Variants in TAF3 observed in about 807,000 individuals in gnomAD.
TAF3 encodes the protein TATA-box binding protein associated factor 3.
A neutral mutation model predicts 80.6 loss-of-function variants in TAF3; 7 were observed. That is an observed-to-expected ratio of 0.09 (90% CI 0.05 to 0.16). TAF3 has a LOEUF of 0.16. Ranked by LOEUF, TAF3 falls within the 10% of genes least tolerant of loss-of-function variation. The probability of loss-of-function intolerance (pLI) is 1.00; values close to 1 mark genes in which losing one functional copy is unlikely to be tolerated. For synonymous variants in TAF3, 444 were observed against 446.1 expected (o/e 1.00, Z 0.06); for missense variants, 921 against 1,140.2 (o/e 0.81, Z 2.77).
In TAF3 at chr10:7,965,489, A is replaced by G; in HGVS notation, c.1979A>G (p.Glu660Gly). 1 of 1,607,816 alleles carries G rather than the reference A, an allele frequency of 6.2e-7. No homozygotes were observed. The highest frequency in any genetic ancestry group is 2.2e-5 in the East Asian group (1 of 44,824). ...PAPPLVLPPK[E>G]LALPLFSPAT... ...CCCCCACTGGTGTTGCCCCCAAAAGAGTTGGCCCTGCCCTTGTTCAGCCCT... is the reference window on the plus strand; with the variant it reads ...CCCCCACTGGTGTTGCCCCCAAAAGGGTTGGCCCTGCCCTTGTTCAGCCCT... The change falls in exon 3 of 7, where the codon GAG becomes GGG. Residue 660 changes from glutamate to glycine, a missense_variant. By Grantham distance (98) the Glu-to-Gly change is moderately conservative. Coordinates refer to ENST00000344293, the MANE Select transcript of TAF3 (RefSeq NM_031923.4).
intron 2 of TAF3, among the ~76,000 whole-genome samples, chr10:7,941,557 G>T (rs1837976226): frequency 6.6e-6 from 1 of 152,210 alleles, no homozygotes; most frequent in Non-Finnish European, 1.5e-5. Flanking sequence ...ATCTGACAAA[G>T]GAGGAAGAGC....
At chr10:7,924,425 T>C (rs1408779038) in intron 2 of TAF3, among the ~76,000 whole-genome samples, 2 of 152,192 alleles carry the variant, frequency 1.3e-5, no homozygotes, top group Non-Finnish European at 2.9e-5. Context: ...GCCTTTTCAT[T>C]TGGGAGTTTG....
At chr10:7,905,317 CA>C (rs1837597936) in intron 2 of TAF3, among the ~76,000 whole-genome samples, 3 of 152,176 alleles carry the variant, frequency 2.0e-5, no homozygotes, top group South Asian at 2.1e-4. Context: ...GCACCTGTTT[CA>C]GGGGAAGCCA....
At chr10:7,957,811 C>CTCTCTT (rs1838152241) in intron 2 of TAF3, among the ~76,000 whole-genome samples, 1 of 151,686 alleles carries the variant, frequency 6.6e-6, no homozygotes, top group Non-Finnish European at 1.5e-5. Flanking sequence ...CTCTCTCTCT[C>CTCTCTT]TCTCTCTCTC....
Position 7,964,891 on chromosome 10 carries a change from G to C in TAF3, c.1381G>C (p.Asp461His). Reference sequence around the variant, plus strand: ...TCTTTCCGGTGGAACCTCAAGTTCCGATAACTCATGGACAATGGATGCCTC... The same window carrying C: ...TCTTTCCGGTGGAACCTCAAGTTCCCATAACTCATGGACAATGGATGCCTC... The part of the protein sequence containing the change: ...LPLSGGTSSS[D>H]NSWTMDASID... Residue 461 changes from aspartate (D) to histidine (H), a missense_variant, in exon 3 of 7, where the codon GAT becomes CAT. By Grantham distance (81) the Asp-to-His change is moderately conservative (BLOSUM62 -1). Coordinates refer to ENST00000344293, the MANE Select transcript of TAF3 (RefSeq NM_031923.4). The surrounding 1 kb of genome is among the most constrained non-coding windows in gnomAD (Gnocchi z 4.1). 6.2e-7 allele frequency: 1 copy of C among 1,614,126 alleles called. No homozygotes were observed. Among genetic ancestry groups the C allele is most frequent in the Non-Finnish European group, 8.5e-7 (1 of 1,180,022 alleles).
At chr10:7,966,431 C>T in intron 3 of TAF3, among the ~76,000 whole-genome samples, 1 of 152,304 alleles carries the variant, frequency 6.6e-6, no homozygotes, top group East Asian at 1.9e-4. Context: ...TACAGCCCGA[C>T]AAACTGATAG....
intron 2 of TAF3, among the ~76,000 whole-genome samples, chr10:7,889,492 G>T (rs964463960): frequency 1.3e-5 from 2 of 152,184 alleles, no homozygotes; most frequent in Non-Finnish European, 2.9e-5. Context: ...CTTGGTCACA[G>T]AGGTAGTAAA....
intron 2 of TAF3, among the ~76,000 whole-genome samples, chr10:7,837,452 G>C (rs1836862571): frequency 6.6e-6 from 1 of 152,210 alleles, no homozygotes; most frequent in South Asian, 2.1e-4. Flanking sequence ...AGACCAGCTT[G>C]GCCAGCATGG....
chr10:7,959,118 T>C (rs1805154446), intron 2 of TAF3, among the ~76,000 whole-genome samples: 1 of 144,612 alleles, frequency 6.9e-6, no homozygotes, highest in Non-Finnish European at 1.5e-5. Flanking sequence ...CTAGCCTGGG[T>C]GACAGAACGA....
intron 2 of TAF3, among the ~76,000 whole-genome samples, chr10:7,957,770 T>G (rs937091156): frequency 6.8e-6 from 1 of 146,622 alleles, no homozygotes; most frequent in African/African-American, 2.5e-5. Context: ...ACACATGCTG[T>G]CTGTCTCACG....
chr10:7,864,237 T>C (rs560093630), intron 2 of TAF3, among the ~76,000 whole-genome samples: 1 of 152,352 alleles, frequency 6.6e-6, no homozygotes, highest in African/African-American at 2.4e-5. Flanking sequence ...CTACCTATTC[T>C]TCCCTCCCTT....
chr10:7,940,683 G>A (rs1837967658), intron 2 of TAF3, among the ~76,000 whole-genome samples: 1 of 152,202 alleles, frequency 6.6e-6, no homozygotes, highest in South Asian at 2.1e-4. Context: ...GGCCAGGCAT[G>A]GTGGCTTATG....
chr10:7,819,380 G>A (rs932820926), intron 1 of TAF3, among the ~76,000 whole-genome samples: 3 of 152,074 alleles, frequency 2.0e-5, no homozygotes, highest in South Asian at 4.1e-4. Context: ...ACACTGCCTC[G>A]TCTTTCTGTA....
At chr10:7,996,573 A>G (rs1386842049) in intron 4 of TAF3, among the ~76,000 whole-genome samples, 2 of 152,156 alleles carry the variant, frequency 1.3e-5, no homozygotes, top group African/African-American at 2.4e-5. Context: ...TCACTGATCC[A>G]GATATGAGGT....
chr10:7,948,681 TG>T (rs1022871281), intron 2 of TAF3, among the ~76,000 whole-genome samples: 6 of 152,216 alleles, frequency 3.9e-5, no homozygotes, highest in African/African-American at 1.4e-4. Flanking sequence ...GGAAGATGTT[TG>T]GAGTTGTTGG....
chr10:7,926,343 G>A (rs1280875548), intron 2 of TAF3, among the ~76,000 whole-genome samples: 1 of 152,050 alleles, frequency 6.6e-6, no homozygotes, highest in Non-Finnish European at 1.5e-5. Flanking sequence ...AGTAATTCCT[G>A]CCATACTTGA....
At position 8,009,381 on chromosome 10, in the gene TAF3, A is replaced by C. The variant is rs766489757; in HGVS notation, c.2568+51A>C. ...AGCATGGAGACGTTTTCAGATCGAG[A>C]CAAGTGTGTGCTCTGAATCACTATC... is the stretch of plus-strand genomic sequence containing the variant. On this transcript the variant is annotated intron_variant, in intron 5 of 6. Transcript: ENST00000344293. The surrounding 1 kb of genome is among the most constrained non-coding windows in gnomAD (Gnocchi z 4.1). 24 of 1,547,328 alleles carry C rather than the reference A, an allele frequency of 1.6e-5. No individual in the cohort carries two copies. The highest frequency in any genetic ancestry group is 2.8e-5 in the African/African-American group (2 of 70,546).
chr10:7,928,352 G>A (rs939438243), intron 2 of TAF3, among the ~76,000 whole-genome samples: 2 of 152,064 alleles, frequency 1.3e-5, no homozygotes, highest in East Asian at 3.8e-4. Context: ...ACACTATAGC[G>A]GAATTACCTT....
At chr10:7,900,889 A>G (rs1022801202) in intron 2 of TAF3, among the ~76,000 whole-genome samples, 4 of 152,156 alleles carry the variant, frequency 2.6e-5, no homozygotes, top group Non-Finnish European at 5.9e-5. Context: ...ATCATAATAA[A>G]TTTATCACAA....
Sources: gnomAD v4.1 joint callset for allele counts (sites outside exome capture counted in the v4.1 genomes callset) on GRCh38, gnomAD v4.1.1 for gene constraint, Gnocchi (gnomAD v3.1) non-coding constraint, MANE v1.5 for transcripts, NCBI Gene and HGNC (gene_info 2026-07-23, HGNC 2026-07-21) for gene names.